Variants in RLIG1 observed in about 807,000 individuals in gnomAD.
The protein encoded by RLIG1 is RNA ligase 1.
At chr12:88,049,040 T>G in the RLIG1 span, 3 of 447,236 alleles carry the variant, frequency 6.7e-6, no homozygotes, top group Non-Finnish European at 1.2e-5. Context: ...CATATAATTT[T>G]ATTTATTAAG....
At chr12:88,042,603 A>T in the RLIG1 span, 2 of 349,060 alleles carry the variant, frequency 5.7e-6, no homozygotes, top group Non-Finnish European at 1.0e-5. Flanking sequence ...AAAAAAGATC[A>T]TATATTTACT....
chr12:88,043,581 C>T, the RLIG1 span: 1 of 1,522,964 alleles, frequency 6.6e-7, no homozygotes, highest in Non-Finnish European at 8.9e-7. Context: ...ACAATATTAT[C>T]TTTTTAATAT....
chr12:88,040,410 G>C, the RLIG1 span: 1 of 501,188 alleles, frequency 2.0e-6, no homozygotes, highest in African/African-American at 2.0e-5. Flanking sequence ...AATTGTTATA[G>C]TTCACTTATG....
At chr12:88,048,150 G>A in the RLIG1 span, 2 of 1,059,190 alleles carry the variant, frequency 1.9e-6, no homozygotes, top group South Asian at 2.6e-5. Flanking sequence ...CCCAGTACCT[G>A]GCAGACAGTG....
chr12:88,038,855 C>T, the RLIG1 span, among the ~76,000 whole-genome samples: 1 of 152,124 alleles, frequency 6.6e-6, no homozygotes, highest in Non-Finnish European at 1.5e-5. Flanking sequence ...ATGATAATTG[C>T]TTCATGAAAA....
At chr12:88,035,973 A>C in the RLIG1 span, 1 of 1,521,020 alleles carries the variant, frequency 6.6e-7, no homozygotes, top group South Asian at 1.2e-5. Context: ...TTTCCTTATC[A>C]GGAGATTCAA....
At chr12:88,037,168 A>G in the RLIG1 span, among the ~76,000 whole-genome samples, 12 of 152,070 alleles carry the variant, frequency 7.9e-5, no homozygotes, top group African/African-American at 2.4e-4. Flanking sequence ...CCTGTCTCAT[A>G]TTTTTGCTCA....
the RLIG1 span, chr12:88,035,766 C>T: frequency 6.4e-7 from 1 of 1,567,304 alleles, no homozygotes; most frequent in Non-Finnish European, 8.6e-7. Context: ...GCAGGCTTGG[C>T]GGCCCGCGTG....
chr12:88,037,060 G>T, the RLIG1 span, among the ~76,000 whole-genome samples: 1 of 152,166 alleles, frequency 6.6e-6, no homozygotes, highest in Admixed American at 6.5e-5. Context: ...TTATAATTCA[G>T]GGCCTCCCAC....
At chr12:88,046,679 A>T in the RLIG1 span, 1 of 859,388 alleles carries the variant, frequency 1.2e-6, no homozygotes, top group Non-Finnish European at 1.8e-6. Context: ...TATTCTTTTT[A>T]AGGAAACCAA....
chr12:88,038,544 A>C, the RLIG1 span, among the ~76,000 whole-genome samples: 1 of 152,206 alleles, frequency 6.6e-6, no homozygotes, highest in Non-Finnish European at 1.5e-5. Flanking sequence ...TGCCATCTTG[A>C]ACATTTTTTA....
At chr12:88,043,157 A>G in the RLIG1 span, among the ~76,000 whole-genome samples, 3 of 152,168 alleles carry the variant, frequency 2.0e-5, no homozygotes, top group South Asian at 2.1e-4. Flanking sequence ...TGCATATTGA[A>G]ATGAGTGACA....
At chr12:88,047,118 C>A in the RLIG1 span, 1 of 818,636 alleles carries the variant, frequency 1.2e-6, no homozygotes, top group South Asian at 1.9e-5. Flanking sequence ...CCATGTACCA[C>A]CATTTTTTAA....
At chr12:88,037,808 G>C in the RLIG1 span, among the ~76,000 whole-genome samples, 1 of 152,152 alleles carries the variant, frequency 6.6e-6, no homozygotes, top group Non-Finnish European at 1.5e-5. Context: ...TTTGTAAGAT[G>C]ATGCTACTTC....
At chr12:88,049,179 G>C in the RLIG1 span, 26 of 1,532,716 alleles carry the variant, frequency 1.7e-5, no homozygotes, top group Non-Finnish European at 2.3e-5. Context: ...GTTTATAGGT[G>C]ACCTTTAGTA....
At chr12:88,044,034 G>A in the RLIG1 span, 1 of 276,284 alleles carries the variant, frequency 3.6e-6, no homozygotes, top group Non-Finnish European at 6.8e-6. Context: ...CACTTTGGGA[G>A]GCTGAGGTGG....
chr12:88,036,118 A>T, the RLIG1 span: 1 of 1,308,356 alleles, frequency 7.6e-7, no homozygotes, highest in East Asian at 5.0e-5. Flanking sequence ...AGAGTGCAGT[A>T]AGAAAGGGTG....
At chr12:88,036,336 A>G in the RLIG1 span, among the ~76,000 whole-genome samples, 1 of 152,008 alleles carries the variant, frequency 6.6e-6, no homozygotes, top group Non-Finnish European at 1.5e-5. Flanking sequence ...TATTTGGGTA[A>G]TTTTTTCATA....
the RLIG1 span, among the ~76,000 whole-genome samples, chr12:88,038,455 A>G: frequency 0.025 from 3,769 of 152,296 alleles, 74 homozygotes; most frequent in Middle Eastern, 0.058. Context: ...GATGTCAGGT[A>G]ACTGTGAAGA....
Sources: allele counts gnomAD v4.1 joint callset (sites outside exome capture counted in the v4.1 genomes callset), GRCh38; gene constraint gnomAD v4.1.1; transcripts MANE v1.5; gene names NCBI Gene and HGNC (gene_info 2026-07-23, HGNC 2026-07-21).